Variants in GLYR1 observed in about 807,000 individuals in gnomAD.
GLYR1 encodes the protein cytokine-like nuclear factor N-PAC.
A neutral mutation model predicts 72.7 loss-of-function variants in GLYR1; 21 were observed. The ratio of observed to expected loss-of-function variants is 0.29; its 90% CI spans 0.20 to 0.42. The LOEUF is 0.42. GLYR1 is among the 10% of genes least tolerant of loss of function. The pLI, the probability that GLYR1 is intolerant of heterozygous loss-of-function variation, is 1.00. For synonymous variants in GLYR1, 392 were observed against 270.2 expected, an observed-to-expected ratio of 1.45 and a Z score of -4.42; for missense variants, 594 against 712.1, an observed-to-expected ratio of 0.83 and a Z score of 1.89.
At chr16:4,843,738 A>T (rs551605442) in intron 3 of GLYR1, 26 of 897,606 alleles carry the variant, frequency 2.9e-5, no homozygotes, top group African/African-American at 2.3e-4. Context: ...AGCCACAGAC[A>T]TTTTTTTCAA....
chr16:4,810,422 A>G (rs2083258989), intron 15 of GLYR1, among the ~76,000 whole-genome samples: 1 of 151,838 alleles, frequency 6.6e-6, no homozygotes, highest in Non-Finnish European at 1.5e-5. Flanking sequence ...AGGCACAAAA[A>G]TCTATTGAAC....
At position 4,832,767 on chromosome 16, in the gene GLYR1, C is replaced by A; in HGVS notation, c.294+7G>T. 6.2e-7 allele frequency: 1 copy of A among 1,602,682 alleles called. No individual in the cohort carries two copies. The highest frequency in any genetic ancestry group is 8.5e-7 in the Non-Finnish European group (1 of 1,174,084). ...CATTGGTAGAAAGTGAACATTGTGT[C>A]TCTCACCTGGTCTTTCCCTTTGGCT... On this transcript the variant is annotated splice_region_variant and intron_variant, in intron 4 of 15. Transcript: ENST00000321919.
chr16:4,842,066 C>T (rs58232023), intron 3 of GLYR1, among the ~76,000 whole-genome samples: 2,687 of 152,072 alleles, frequency 0.018, 78 homozygotes, highest in African/African-American at 0.061. Flanking sequence ...ATGGTGAAAC[C>T]CTGCCTCTAC....
intron 3 of GLYR1, among the ~76,000 whole-genome samples, chr16:4,834,367 G>C (rs7189135): frequency 0.52 from 76,453 of 146,974 alleles, 20,193 homozygotes; most frequent in African/African-American, 0.62. Context: ...ATGGGGCGAT[G>C]TTGGCTCACG....
At chr16:4,821,050 G>T (rs2083988058) in intron 9 of GLYR1, among the ~76,000 whole-genome samples, 1 of 152,200 alleles carries the variant, frequency 6.6e-6, no homozygotes, top group African/African-American at 2.4e-5. Context: ...CAAATTCTTG[G>T]GCCCCACCCG....
Position 4,832,099 on chromosome 16 carries a change from GTTC to G in GLYR1, c.414_416del (p.Lys138del). 1.2e-6 allele frequency: 2 copies of G among 1,614,150 alleles called. No homozygotes were observed. The highest frequency in any genetic ancestry group is 1.7e-6 in the Non-Finnish European group (2 of 1,180,032). On this transcript the variant is annotated inframe_deletion, in exon 5 of 16. Transcript: ENST00000321919. ...ACACCCTCTTCTTTCCTTCTCCCATGTTCTTCTTCACCTTCCCTTCAGACAGGC... is the reference window on the plus strand; with the variant it reads ...ACACCCTCTTCTTTCCTTCTCCCATGTTCTTCACCTTCCCTTCAGACAGGC...
At chr16:4,844,351 G>A (rs1401025605) in intron 3 of GLYR1, among the ~76,000 whole-genome samples, 1 of 150,210 alleles carries the variant, frequency 6.7e-6, no homozygotes, top group Non-Finnish European at 1.5e-5. Context: ...AAATCACTTA[G>A]TTTTACACAT....
At chr16:4,834,385 C>T (rs186882327) in intron 3 of GLYR1, among the ~76,000 whole-genome samples, 10 of 149,890 alleles carry the variant, frequency 6.7e-5, no homozygotes, top group Middle Eastern at 3.5e-3. Flanking sequence ...ACGGCAACCT[C>T]GCCTCCTAGG....
intron 5 of GLYR1, among the ~76,000 whole-genome samples, chr16:4,824,629 G>A (rs1402816993): frequency 1.3e-5 from 2 of 152,084 alleles, no homozygotes; most frequent in Non-Finnish European, 2.9e-5. Flanking sequence ...TCATGACAAA[G>A]GCAGAATTAA....
rs1191392104 is a variant in GLYR1, at chr16:4,805,144, T to G, written c.*92A>C. 1.0e-6 allele frequency: 1 copy of G among 993,818 alleles called. No individual in the cohort carries two copies. The highest frequency in any genetic ancestry group is 1.6e-5 in the African/African-American group (1 of 63,244). 61.6% of individuals were successfully genotyped at this position (993,818 alleles called of 1,614,324 possible). On this transcript the variant is annotated 3_prime_UTR_variant, in exon 16 of 16. Transcript: ENST00000321919. Reference sequence around the variant, plus strand: ...TAAAAGGAAATGGAGATAGGTGGGCTGGTCCAGAATGAACTCCCAGGCCCC... The same window carrying G: ...TAAAAGGAAATGGAGATAGGTGGGCGGGTCCAGAATGAACTCCCAGGCCCC...
At position 4,823,879 on chromosome 16, in the gene GLYR1, A is replaced by C. The variant is rs767521163; in HGVS notation, c.566T>G (p.Val189Gly). 4 of 1,613,884 alleles carry C rather than the reference A, an allele frequency of 2.5e-6. No individual in the cohort carries two copies. The highest frequency in any genetic ancestry group is 1.1e-5 in the South Asian group (1 of 91,074). Residue 189 changes from valine to glycine, a missense_variant, in exon 6 of 16, where the codon GTG becomes GGG. Physicochemically the swap from Val to Gly is moderately radical, Grantham distance 109. This residue lies in a region of GLYR1 where 252 missense variants were observed against 211.3 expected (regional missense o/e 1.19). Coordinates refer to ENST00000321919, the MANE Select transcript of GLYR1 (RefSeq NM_032569.4). The stretch of plus-strand genomic sequence containing the variant: ...CATCGGTCCGGCCATCATCCCCTTC[A>C]CGGTACTAGACTCCGGGATGGTGAG... ...KDLTIPESSTVKGMMAGPMAA... is the reference protein window; with the variant it reads ...KDLTIPESSTGKGMMAGPMAA...
intron 5 of GLYR1, among the ~76,000 whole-genome samples, chr16:4,829,861 C>T (rs371723562): frequency 3.3e-5 from 5 of 152,012 alleles, no homozygotes; most frequent in South Asian, 2.1e-4. Flanking sequence ...TTAGTAGAGA[C>T]GGGGTTTCTC....
rs1208549744 is a variant in GLYR1, at chr16:4,821,400, G to A, written c.786C>T (p.Ser262=). 2 of 1,613,360 alleles carry A rather than the reference G, an allele frequency of 1.2e-6. No individual in the cohort carries two copies. Among genetic ancestry groups the A allele is most frequent in the South Asian group, 1.1e-5 (1 of 91,048 alleles). Reference sequence around the variant, plus strand: ...CCTACTTTTTGTCTGTGGGTGTGATGCTGCCATTCACGGCTGTGCTGTCAG... The same window carrying A: ...CCTACTTTTTGTCTGTGGGTGTGATACTGCCATTCACGGCTGTGCTGTCAG... The part of the protein sequence containing the change: ...QAADSTAVNG[S]ITPTDKKIGF... Residue 262 remains serine, a synonymous_variant, in exon 9 of 16, where the codon AGC becomes AGT. Transcript: ENST00000321919.
intron 10 of GLYR1, among the ~76,000 whole-genome samples, chr16:4,815,500 C>G (rs2083579398): frequency 6.6e-6 from 1 of 152,200 alleles, no homozygotes; most frequent in African/African-American, 2.4e-5. Context: ...AGCCCACTTT[C>G]AATTGTAAAA....
chr16:4,812,684 G>A (rs1478967373), intron 12 of GLYR1, among the ~76,000 whole-genome samples: 5 of 151,468 alleles, frequency 3.3e-5, no homozygotes, highest in Non-Finnish European at 7.4e-5. Context: ...AGTAGAGACA[G>A]GTTTCACCAT....
At chr16:4,840,473 C>G (rs2085465991) in intron 3 of GLYR1, 1 of 152,096 alleles carries the variant, frequency 6.6e-6, no homozygotes, top group Non-Finnish European at 1.5e-5. Flanking sequence ...GTAAAAAGAG[C>G]AAACCTGGCT....
intron 9 of GLYR1, among the ~76,000 whole-genome samples, chr16:4,820,856 C>A (rs374071420): frequency 2.6e-5 from 4 of 152,358 alleles, no homozygotes; most frequent in South Asian, 4.1e-4. Flanking sequence ...CCCACCCACA[C>A]CGGGCAGGGT....
chr16:4,822,340 G>C (rs2084087705), intron 7 of GLYR1, among the ~76,000 whole-genome samples: 1 of 151,892 alleles, frequency 6.6e-6, no homozygotes, highest in Non-Finnish European at 1.5e-5. Context: ...ACCCGCCTTG[G>C]CCTCCCAAAG....
intron 3 of GLYR1, among the ~76,000 whole-genome samples, chr16:4,841,626 A>C (rs1427507639): frequency 6.8e-6 from 1 of 146,342 alleles, no homozygotes; most frequent in Non-Finnish European, 1.5e-5. Context: ...ACCCTTTCTC[A>C]AAAAAAAATC....
Sources: allele counts gnomAD v4.1 joint callset (sites outside exome capture counted in the v4.1 genomes callset), GRCh38; gene constraint gnomAD v4.1.1; regional missense constraint gnomAD v4.1.1; transcripts MANE v1.5; gene names NCBI Gene and HGNC (gene_info 2026-07-23, HGNC 2026-07-21).